The following SGSM1 variants were observed in gnomAD, a reference collection of about 807,000 sequenced individuals.
SGSM1 encodes RUN and TBC1 domain containing 2.
Under a neutral mutation model 133.8 loss-of-function variants are expected in SGSM1, and 73 were observed. The observed-to-expected ratio is 0.55, with a 90% CI of 0.45 to 0.66. SGSM1 has a LOEUF of 0.66. SGSM1 is among the 30% of genes least tolerant of loss of function. The pLI is 0.00. For missense variants in SGSM1, 1,213 were observed against 1,448.1 expected (o/e 0.84, Z 2.64); for synonymous variants, 563 against 573.0 (o/e 0.98, Z 0.25).
chr22:24,919,895 A>G lies in SGSM1; in HGVS notation c.3095A>G (p.His1032Arg), dbSNP rs1413303248. The G allele has an allele frequency of 2.5e-6, 4 of 1,613,924 alleles. No individual in the cohort carries two copies. In the African/African-American group the frequency reaches 4.0e-5, roughly 16 times the overall value. Residue 1032 changes from histidine (H) to arginine (R), a missense_variant, in exon 24 of 25, where the codon CAC becomes CGC. By Grantham distance (29) the His-to-Arg change is conservative. Transcript: ENST00000400358. ...GCAGCCAAACACGTCTCCTCTGCGC[A>G]CTACGTCCTGTTCATTGCGCTGGCT... ...IWAAKHVSSA[H>R]YVLFIALALV...
chr22:24,902,550 G>C (rs974332003), intron 20 of SGSM1, among the ~76,000 whole-genome samples: 7 of 152,092 alleles, frequency 4.6e-5, no homozygotes, highest in African/African-American at 1.4e-4. Context: ...GCTGGACATA[G>C]TGGCATGCAC....
At chr22:24,889,028 C>T (rs1193291383) in intron 16 of SGSM1, among the ~76,000 whole-genome samples, 3 of 131,806 alleles carry the variant, frequency 2.3e-5, no homozygotes, top group African/African-American at 2.9e-5. Flanking sequence ...GTGGTGCAAT[C>T]TCGGCTTACT....
At chr22:24,810,364 C>T (rs776110551) in intron 2 of SGSM1, among the ~76,000 whole-genome samples, 2 of 151,466 alleles carry the variant, frequency 1.3e-5, no homozygotes, top group South Asian at 2.1e-4. Context: ...CCTCTGTCCT[C>T]GGTACCACCA....
chr22:24,809,859 CAG>C (rs1221054423), intron 2 of SGSM1, among the ~76,000 whole-genome samples: 1 of 152,216 alleles, frequency 6.6e-6, no homozygotes, highest in African/African-American at 2.4e-5. Flanking sequence ...GAACCCAAAA[CAG>C]GGACAACTGA....
chr22:24,844,957 A>G lies in SGSM1; in HGVS notation c.124A>G (p.Ile42Val), dbSNP rs1186167724. The G allele has an allele frequency of 5.0e-6, 8 of 1,613,690 alleles. No homozygotes were observed. Among genetic ancestry groups the G allele is most frequent in the South Asian group, 1.1e-5 (1 of 91,020 alleles). Residue 42 changes from isoleucine to valine, a missense_variant, in exon 3 of 25, where the codon ATC becomes GTC. Coordinates refer to ENST00000400358, the MANE Select transcript of SGSM1 (RefSeq NM_001098497.3). The stretch of plus-strand genomic sequence containing the variant: ...GTTTGTCCACGAAGACAGCAGCCAC[A>G]TCATCTCCTTCTGTGGTGAGTCTGT... ...RKFVHEDSSH[I>V]ISFCAAVEAC...
Position 24,855,022 on chromosome 22 carries a change from T to C in SGSM1, c.482T>C (p.Leu161Pro). 1.2e-6 allele frequency: 2 copies of C among 1,613,588 alleles called. No individual in the cohort carries two copies. Among genetic ancestry groups the C allele is most frequent in the Non-Finnish European group, 1.7e-6 (2 of 1,179,810 alleles). Residue 161 changes from leucine (L) to proline (P), a missense_variant, in exon 6 of 25, where the codon CTG becomes CCG. By Grantham distance (98) the Leu-to-Pro change is moderately conservative. Coordinates refer to ENST00000400358, the MANE Select transcript of SGSM1 (RefSeq NM_001098497.3). ...AAATACTATGAGAAGGAAGCTCTCC[T>C]GATGGACCCTGTGGACGGCCCCATC... ...SSKYYEKEAL[L>P]MDPVDGPILA...
At chr22:24,845,963 T>TTCTTTCTCTCTC (rs1175200454) in intron 3 of SGSM1, among the ~76,000 whole-genome samples, 14 of 129,784 alleles carry the variant, frequency 1.1e-4, no homozygotes, top group African/African-American at 3.7e-4. Context: ...CTTTCTTTCT[T>TTCTTTCTCTCTC]TCTTTCTTTC....
At chr22:24,811,971 C>G (rs938882297) in intron 2 of SGSM1, among the ~76,000 whole-genome samples, 16 of 151,624 alleles carry the variant, frequency 1.1e-4, no homozygotes, top group African/African-American at 3.6e-4. Flanking sequence ...GAGTTGAAGA[C>G]CAGCCTGGCC....
At chr22:24,886,144 A>G (rs1932583611) in intron 15 of SGSM1, among the ~76,000 whole-genome samples, 1 of 152,014 alleles carries the variant, frequency 6.6e-6, no homozygotes, top group Non-Finnish European at 1.5e-5. Flanking sequence ...TGGGAGGCCA[A>G]GGAGGGCGAA....
intron 10 of SGSM1, 50 bp from the exon 11 acceptor site, chr22:24,868,326 T>A: frequency 6.4e-7 from 1 of 1,569,574 alleles, no homozygotes; most frequent in East Asian, 2.3e-5. Flanking sequence ...GCTGTCACCG[T>A]GCCTCATAGT....
At chr22:24,915,036 G>A (rs1933773381) in intron 22 of SGSM1, among the ~76,000 whole-genome samples, 1 of 152,116 alleles carries the variant, frequency 6.6e-6, no homozygotes, top group Admixed American at 6.6e-5. Flanking sequence ...AGACCATCAT[G>A]GCTAACACGG....
intron 2 of SGSM1, among the ~76,000 whole-genome samples, chr22:24,808,024 C>T (rs1209831413): frequency 6.6e-6 from 1 of 151,950 alleles, no homozygotes; most frequent in Non-Finnish European, 1.5e-5. Context: ...TCAGAAAGGC[C>T]CAGAAGTTTT....
intron 18 of SGSM1, among the ~76,000 whole-genome samples, chr22:24,896,604 G>GTT (rs146271547): frequency 6.7e-6 from 1 of 148,952 alleles, no homozygotes; most frequent in African/African-American, 2.5e-5. Flanking sequence ...AAGTAATAGG[G>GTT]TTTTTTTATT....
At chr22:24,823,837 G>A (rs1400176153) in intron 2 of SGSM1, among the ~76,000 whole-genome samples, 1 of 151,810 alleles carries the variant, frequency 6.6e-6, no homozygotes, top group Non-Finnish European at 1.5e-5. Context: ...TTGAGCCCAG[G>A]AGTTCGAGGC....
chr22:24,858,839 T>C (rs948191198), intron 8 of SGSM1, among the ~76,000 whole-genome samples: 18 of 152,152 alleles, frequency 1.2e-4, no homozygotes, highest in Admixed American at 1.3e-4. Flanking sequence ...CACCTACATT[T>C]CACATGTGAA....
At chr22:24,883,069 G>GT (rs1326049617) in intron 14 of SGSM1, among the ~76,000 whole-genome samples, 1 of 135,372 alleles carries the variant, frequency 7.4e-6, no homozygotes, top group Non-Finnish European at 1.5e-5. Flanking sequence ...TAATTTTTTT[G>GT]TATTTTTTTT....
At chr22:24,920,532 A>C (rs1335726042) in intron 24 of SGSM1, among the ~76,000 whole-genome samples, 1 of 152,200 alleles carries the variant, frequency 6.6e-6, no homozygotes, top group Non-Finnish European at 1.5e-5. Flanking sequence ...TCCCTCCCTC[A>C]CAGGGAGGTC....
At chr22:24,877,812 T>TC (rs1932103484) in intron 13 of SGSM1, among the ~76,000 whole-genome samples, 1 of 136,424 alleles carries the variant, frequency 7.3e-6, no homozygotes, top group East Asian at 2.0e-4. Flanking sequence ...CTTTTTTTTT[T>TC]TTTTTTTTTT....
At chr22:24,827,720 G>A (rs1245662546) in intron 2 of SGSM1, among the ~76,000 whole-genome samples, 2 of 152,046 alleles carry the variant, frequency 1.3e-5, no homozygotes, top group African/African-American at 4.8e-5. Flanking sequence ...ACCCCTAAGA[G>A]GGAGGGGTGC....
Sources: gnomAD v4.1 joint callset for allele counts (sites outside exome capture counted in the v4.1 genomes callset) on GRCh38, gnomAD v4.1.1 for gene constraint, MANE v1.5 for transcripts, NCBI Gene and HGNC (gene_info 2026-07-23, HGNC 2026-07-21) for gene names.